Variants in PLCL1 observed in about 807,000 individuals in gnomAD.
PLCL1 encodes inactive phospholipase C-like protein 1.
A neutral mutation model predicts 84.4 loss-of-function variants in PLCL1; 41 were observed. The observed-to-expected ratio is 0.49, with a 90% CI of 0.38 to 0.63. PLCL1 has a LOEUF of 0.63. PLCL1 is among the 30% of genes least tolerant of loss of function. The pLI, the probability that PLCL1 is intolerant of heterozygous loss-of-function variation, is 0.00. For synonymous variants in PLCL1, 490 were observed against 488.3 expected (o/e 1.00, Z -0.05); for missense variants, 1,206 against 1,367.8 (o/e 0.88, Z 1.87).
intron 1 of PLCL1, among the ~76,000 whole-genome samples, chr2:197,968,398 C>T (rs897544889): frequency 6.6e-6 from 1 of 152,048 alleles, no homozygotes; most frequent in African/African-American, 2.4e-5. Context: ...ATGGTAATAA[C>T]AAAAATATTT....
chr2:198,016,094 T>C (rs1480637896), intron 1 of PLCL1, among the ~76,000 whole-genome samples: 2 of 152,132 alleles, frequency 1.3e-5, no homozygotes, highest in African/African-American at 4.8e-5. Flanking sequence ...TCATGTAAAA[T>C]AGTGACACTA....
intron 1 of PLCL1, among the ~76,000 whole-genome samples, chr2:197,887,377 A>T (rs1687941906): frequency 6.6e-6 from 1 of 152,200 alleles, no homozygotes; most frequent in South Asian, 2.1e-4. Context: ...CTTTTACAAG[A>T]TGATCATTTT....
intron 1 of PLCL1, among the ~76,000 whole-genome samples, chr2:197,975,098 G>A (rs545024326): frequency 3.1e-5 from 4 of 130,820 alleles, no homozygotes; most frequent in Admixed American, 9.2e-5. Context: ...CCGAGATTGC[G>A]CCACTGCAGT....
At chr2:198,097,502 G>A (rs992757609) in intron 3 of PLCL1, among the ~76,000 whole-genome samples, 3 of 152,140 alleles carry the variant, frequency 2.0e-5, no homozygotes, top group Non-Finnish European at 4.4e-5. Context: ...TCTGGAGAAG[G>A]TTTACTAAGG....
intron 1 of PLCL1, among the ~76,000 whole-genome samples, chr2:197,967,027 T>TG (rs1044474708): frequency 2.6e-5 from 4 of 151,752 alleles, no homozygotes; most frequent in Non-Finnish European, 5.9e-5. Context: ...GGTCAGAGTC[T>TG]GGGGCAGAAC....
chr2:197,990,077 T>G (rs1229330945), intron 1 of PLCL1, among the ~76,000 whole-genome samples: 2 of 152,192 alleles, frequency 1.3e-5, no homozygotes, highest in African/African-American at 4.8e-5. Flanking sequence ...TTGGAGTCTT[T>G]ATAGAGTCTC....
chr2:197,935,881 C>A (rs190581715), intron 1 of PLCL1, among the ~76,000 whole-genome samples: 1 of 152,304 alleles, frequency 6.6e-6, no homozygotes, highest in East Asian at 1.9e-4. Context: ...ACACTTTGCA[C>A]CCCTTGACCA....
chr2:198,015,261 A>G (rs1216841163), intron 1 of PLCL1, among the ~76,000 whole-genome samples: 1 of 152,154 alleles, frequency 6.6e-6, no homozygotes, highest in Non-Finnish European at 1.5e-5. Flanking sequence ...ATGAAGAAGC[A>G]TTTAGTGGGA....
chr2:197,813,571 A>G (rs1354841323), intron 1 of PLCL1, among the ~76,000 whole-genome samples: 1 of 152,162 alleles, frequency 6.6e-6, no homozygotes, highest in Non-Finnish European at 1.5e-5. Context: ...TAAAACACCT[A>G]GTAACATCTT....
chr2:198,107,485 G>C (rs1425250518), intron 5 of PLCL1, among the ~76,000 whole-genome samples: 2 of 151,854 alleles, frequency 1.3e-5, no homozygotes, highest in Non-Finnish European at 2.9e-5. Context: ...CTACATCTCA[G>C]ATTTTGTGAG....
chr2:197,966,427 C>G (rs970689829), intron 1 of PLCL1, among the ~76,000 whole-genome samples: 1 of 152,156 alleles, frequency 6.6e-6, no homozygotes, highest in African/African-American at 2.4e-5. Flanking sequence ...AATTCAGGTT[C>G]TGACTTCTGG....
intron 1 of PLCL1, among the ~76,000 whole-genome samples, chr2:197,932,558 C>T (rs1050809947): frequency 5.3e-5 from 8 of 152,178 alleles, no homozygotes; most frequent in African/African-American, 1.9e-4. Flanking sequence ...TGTGCTGTTC[C>T]CCTCCCTGTG....
intron 1 of PLCL1, among the ~76,000 whole-genome samples, chr2:198,007,735 G>A (rs1336992652): frequency 3.9e-5 from 6 of 152,120 alleles, no homozygotes; most frequent in Admixed American, 6.5e-5. Flanking sequence ...GTTTCATTAA[G>A]CATTTGTTCA....
intron 1 of PLCL1, among the ~76,000 whole-genome samples, chr2:198,065,694 A>G (rs1692307639): frequency 2.0e-5 from 3 of 152,196 alleles, no homozygotes; most frequent in Admixed American, 2.0e-4. Context: ...GTGGCTGTTA[A>G]ATAATTTAAT....
intron 1 of PLCL1, among the ~76,000 whole-genome samples, chr2:197,810,832 G>C (rs575457359): frequency 1.3e-5 from 2 of 151,290 alleles, no homozygotes; most frequent in African/African-American, 4.9e-5. Flanking sequence ...CCACATTCAG[G>C]AGCAATGTCC....
At chr2:197,981,816 A>C (rs1371563082) in intron 1 of PLCL1, among the ~76,000 whole-genome samples, 1 of 152,172 alleles carries the variant, frequency 6.6e-6, no homozygotes, top group Non-Finnish European at 1.5e-5. Context: ...AGAAGCTTAG[A>C]AGGATCTTCT....
At chr2:198,029,556 G>A (rs1453824197) in intron 1 of PLCL1, among the ~76,000 whole-genome samples, 2 of 152,088 alleles carry the variant, frequency 1.3e-5, no homozygotes, top group Non-Finnish European at 2.9e-5. Context: ...ATGAAAGTGG[G>A]ATATGCCGTC....
At chr2:197,846,811 A>C (rs1687127300) in intron 1 of PLCL1, among the ~76,000 whole-genome samples, 1 of 152,166 alleles carries the variant, frequency 6.6e-6, no homozygotes, top group South Asian at 2.1e-4. Context: ...TTTATAGTAA[A>C]TGTTGTCAAG....
chr2:197,958,320 C>T (rs546460854), intron 1 of PLCL1, among the ~76,000 whole-genome samples: 1 of 151,516 alleles, frequency 6.6e-6, no homozygotes, highest in Non-Finnish European at 1.5e-5. Flanking sequence ...TTGTCTTGGA[C>T]CACACATAAA....
Sources: gnomAD v4.1 joint callset for allele counts (sites outside exome capture counted in the v4.1 genomes callset) on GRCh38, gnomAD v4.1.1 for gene constraint, MANE v1.5 for transcripts, NCBI Gene and HGNC (gene_info 2026-07-23, HGNC 2026-07-21) for gene names.